Variants in GULP1 observed in about 807,000 individuals in gnomAD.
GULP1 encodes the protein PTB domain-containing engulfment adapter protein 1.
In GULP1, 19 loss-of-function variants were observed where a neutral mutation model predicts 40.9. The observed-to-expected ratio is 0.46, with a 90% CI of 0.32 to 0.68. The LOEUF is 0.68. GULP1 is among the 30% of genes least tolerant of loss of function. GULP1 has a pLI of 0.03. For missense variants in GULP1, 312 were observed against 362.2 expected (o/e 0.86, Z 1.12); for synonymous variants, 119 against 117.6 (o/e 1.01, Z -0.08).
chr2:188,528,162 A>T (rs1393276024), intron 5 of GULP1, among the ~76,000 whole-genome samples: 1 of 152,138 alleles, frequency 6.6e-6, no homozygotes, highest in Admixed American at 6.5e-5. Flanking sequence ...TAAAATCAAG[A>T]TGCCCAGTAA....
At chr2:188,301,921 G>A (rs772043083) in intron 1 of GULP1, among the ~76,000 whole-genome samples, 5 of 152,218 alleles carry the variant, frequency 3.3e-5, no homozygotes, top group Admixed American at 1.3e-4. Context: ...TGGAATCATT[G>A]GGTTCTTGAC....
chr2:188,421,589 A>G (rs1260744777), intron 2 of GULP1, among the ~76,000 whole-genome samples: 3 of 152,212 alleles, frequency 2.0e-5, no homozygotes, highest in East Asian at 1.9e-4. Flanking sequence ...GTGTCAGGCT[A>G]AGGCTTAAAA....
At chr2:188,420,060 T>A (rs1195383817) in intron 2 of GULP1, among the ~76,000 whole-genome samples, 1 of 152,194 alleles carries the variant, frequency 6.6e-6, no homozygotes, top group Non-Finnish European at 1.5e-5. Context: ...TATATATCTG[T>A]CTTTGCTCTG....
chr2:188,350,765 A>G (rs1269687546), intron 1 of GULP1, among the ~76,000 whole-genome samples: 3 of 152,130 alleles, frequency 2.0e-5, no homozygotes, highest in African/African-American at 4.8e-5. Flanking sequence ...ATCTGTTCCA[A>G]TACACATTTT....
At chr2:188,421,678 T>C (rs2152769442) in intron 2 of GULP1, among the ~76,000 whole-genome samples, 1 of 152,254 alleles carries the variant, frequency 6.6e-6, no homozygotes, top group East Asian at 1.9e-4. Context: ...TTTCAGATAA[T>C]ATGATAGATT....
At chr2:188,307,315 A>G (rs2037262707) in intron 1 of GULP1, among the ~76,000 whole-genome samples, 2 of 152,230 alleles carry the variant, frequency 1.3e-5, no homozygotes, top group South Asian at 4.1e-4. Context: ...GATAAAAATT[A>G]GGATACAAAA....
chr2:188,381,869 A>C (rs534962377), intron 1 of GULP1, among the ~76,000 whole-genome samples: 4 of 152,300 alleles, frequency 2.6e-5, no homozygotes, highest in African/African-American at 9.6e-5. Context: ...TACAACCCTT[A>C]CATTTTACAG....
intron 4 of GULP1, among the ~76,000 whole-genome samples, chr2:188,485,726 C>G (rs1451111086): frequency 6.6e-6 from 1 of 151,954 alleles, no homozygotes; most frequent in Admixed American, 6.6e-5. Flanking sequence ...GATTACTCAT[C>G]AGTAAATAGG....
chr2:188,512,125 C>T (rs1310952359), intron 4 of GULP1, among the ~76,000 whole-genome samples: 1 of 152,102 alleles, frequency 6.6e-6, no homozygotes, highest in Non-Finnish European at 1.5e-5. Context: ...TATAGCTTAT[C>T]TACTAGGTAC....
chr2:188,405,709 G>A (rs2052985110), intron 2 of GULP1, among the ~76,000 whole-genome samples: 1 of 152,180 alleles, frequency 6.6e-6, no homozygotes, highest in Admixed American at 6.5e-5. Context: ...TTGCATTGAT[G>A]CAGTTACCAG....
In GULP1 at chr2:188,312,605, A is replaced by T. The variant is rs2038361982; in HGVS notation, c.-172+20439A>T. ...TGTTGTAAATAGTGCTGCAATAAACATATGTGTGCATGTGTCTTTATAATA... is the reference window on the plus strand; with the variant it reads ...TGTTGTAAATAGTGCTGCAATAAACTTATGTGTGCATGTGTCTTTATAATA... On this transcript the variant is annotated intron_variant, in intron 1 of 11. Transcript: ENST00000409830. Among the ~76,000 whole-genome samples the T allele has an allele frequency of 2.6e-5, 4 of 152,300 alleles. No individual in the cohort carries two copies. The South Asian group carries it at 8.3e-4, about 32-fold the overall frequency.
At chr2:188,427,198 A>G (rs1247347873) in intron 2 of GULP1, among the ~76,000 whole-genome samples, 1 of 152,182 alleles carries the variant, frequency 6.6e-6, no homozygotes, top group Admixed American at 6.5e-5. Flanking sequence ...AAATGATGTA[A>G]AACTGGAACT....
intron 2 of GULP1, among the ~76,000 whole-genome samples, chr2:188,435,114 G>T (rs1354229863): frequency 6.6e-6 from 1 of 151,978 alleles, no homozygotes; most frequent in African/African-American, 2.4e-5. Context: ...CTTCTCCCCA[G>T]TGTTTTTCTG....
chr2:188,580,696 A>G lies in GULP1; in HGVS notation c.610-3569A>G, dbSNP rs577226770. Among the ~76,000 whole-genome samples the G allele has an allele frequency of 1.7e-3, 260 of 152,332 alleles. 2 individuals carry two copies. Among genetic ancestry groups the G allele is most frequent in the African/African-American group, 6.0e-3 (251 of 41,578 alleles). The stretch of plus-strand genomic sequence containing the variant: ...AACCCTTCCCTCAATTTAATCTCTC[A>G]CTTTACATGGCTTCCTTTTTCTCTC... On this transcript the variant is annotated intron_variant, in intron 9 of 11. Coordinates refer to ENST00000409830, the MANE Select transcript of GULP1 (RefSeq NM_016315.4).
At chr2:188,412,579 T>C (rs1011218833) in intron 2 of GULP1, among the ~76,000 whole-genome samples, 11 of 152,126 alleles carry the variant, frequency 7.2e-5, no homozygotes, top group African/African-American at 2.7e-4. Context: ...AGATGAGATT[T>C]GGGTGGGGAC....
chr2:188,444,623 C>A (rs982691220), intron 2 of GULP1, among the ~76,000 whole-genome samples: 3 of 152,318 alleles, frequency 2.0e-5, no homozygotes, highest in African/African-American at 7.2e-5. Context: ...GGCAGTTATC[C>A]ATGCCCACAT....
At chr2:188,316,101 A>T (rs1419085960) in intron 1 of GULP1, among the ~76,000 whole-genome samples, 2 of 152,116 alleles carry the variant, frequency 1.3e-5, no homozygotes, top group African/African-American at 4.8e-5. Flanking sequence ...GTTAGAATGA[A>T]ATTTTATTTA....
At chr2:188,371,599 C>T (rs1022888812) in intron 1 of GULP1, among the ~76,000 whole-genome samples, 5 of 152,024 alleles carry the variant, frequency 3.3e-5, no homozygotes, top group African/African-American at 1.2e-4. Context: ...GTCATTATAT[C>T]AGTGAAAGCA....
chr2:188,362,524 C>T (rs1005560127), intron 1 of GULP1, among the ~76,000 whole-genome samples: 2 of 152,256 alleles, frequency 1.3e-5, no homozygotes, highest in South Asian at 2.1e-4. Flanking sequence ...TTCTTTTTGA[C>T]ACTGAACAGA....
Sources: allele counts gnomAD v4.1 joint callset (sites outside exome capture counted in the v4.1 genomes callset), GRCh38; gene constraint gnomAD v4.1.1; transcripts MANE v1.5; gene names NCBI Gene and HGNC (gene_info 2026-07-23, HGNC 2026-07-21).